The following NOP56 variants were observed in gnomAD, a reference collection of about 807,000 sequenced individuals.
NOP56 encodes the protein NOP56 ribonucleoprotein.
Under a neutral mutation model 58.3 loss-of-function variants are expected in NOP56, and 31 were observed. The observed-to-expected ratio is 0.53, with a 90% CI of 0.40 to 0.72. NOP56 has a LOEUF of 0.72. Ranked by LOEUF, NOP56 falls within the 30% of genes least tolerant of loss-of-function variation. The pLI, the probability that NOP56 is intolerant of heterozygous loss-of-function variation, is 0.00. For synonymous variants in NOP56, 313 were observed against 282.8 expected, an observed-to-expected ratio of 1.11 and a Z score of -1.07; for missense variants, 669 against 739.9, an observed-to-expected ratio of 0.90 and a Z score of 1.11.
chr20:2,656,972 A>G, intron 10 of NOP56, 77 bp downstream of exon 10: 1 of 1,613,752 alleles, frequency 6.2e-7, no homozygotes, highest in African/African-American at 1.3e-5. Flanking sequence ...CTGACCTTGT[A>G]GAATGGAGGC....
chr20:2,654,988 C>A (rs764496182), intron 5 of NOP56, 41 bp downstream of exon 5: 1 of 1,607,908 alleles, frequency 6.2e-7, no homozygotes, highest in South Asian at 1.1e-5. Context: ...AGCCTTTGGT[C>A]TGTAGTTCAG....
Position 2,657,964 on chromosome 20 carries a change from A to G in NOP56, c.1455A>G (p.Gln485=). ...AAAAACCCAAAAAGAAGAAAAAGCA[A>G]AAGCCCCAGGAGGTTCCTCAGGAGA... ...MSEKPKKKKK[Q]KPQEVPQENG... The change falls in exon 12 of 12, where the codon CAA becomes CAG. Residue 485 remains glutamine (Q), a synonymous_variant. Transcript: ENST00000329276. The G allele has an allele frequency of 6.3e-7, 1 of 1,588,774 alleles. No homozygotes were observed. The highest frequency in any genetic ancestry group is 1.1e-5 in the South Asian group (1 of 88,036).
intron 11 of NOP56, chr20:2,657,620 C>T: frequency 3.9e-6 from 2 of 508,792 alleles, no homozygotes; most frequent in Admixed American, 3.6e-5. Context: ...TTTCATTTAG[C>T]ACCCAGTTTC....
chr20:2,652,738 T>TGGGCCG, intron 1 of NOP56, 75 bp downstream of exon 1: 1 of 1,496,364 alleles, frequency 6.7e-7, no homozygotes, highest in Non-Finnish European at 9.0e-7. Context: ...AGACAGGGCC[T>TGGGCCG]GGGCCTGGGC....
At chr20:2,657,295 C>T in intron 11 of NOP56, 77 bp downstream of exon 11, 1 of 1,595,608 alleles carries the variant, frequency 6.3e-7, no homozygotes, top group Admixed American at 1.7e-5. Context: ...TATGCTGCAT[C>T]AAGCTGTGGT....
At position 2,657,159 on chromosome 20, in the gene NOP56, C is replaced by G; in HGVS notation, c.1360C>G (p.Leu454Val). Reference protein sequence around the residue: ...KKRLKKEKKRLAALALASSEN... With the variant: ...KKRLKKEKKRVAALALASSEN... Reference sequence around the variant, plus strand: ...ACGCTTAAAGAAGGAAAAGAAACGGCTGGCTGCACTTGCCCTCGCGTCTTC... The same window carrying G: ...ACGCTTAAAGAAGGAAAAGAAACGGGTGGCTGCACTTGCCCTCGCGTCTTC... The change falls in exon 11 of 12, where the codon CTG becomes GTG. Residue 454 changes from leucine (L) to valine (V), a missense_variant. Around this residue, in one of 3 missense-constraint regions of NOP56, gnomAD observed 209 missense variants for 196.2 expected, o/e 1.07. Transcript: ENST00000329276. The G allele has an allele frequency of 6.2e-7, 1 of 1,614,158 alleles. No individual in the cohort carries two copies. Among genetic ancestry groups the G allele is most frequent in the South Asian group, 1.1e-5 (1 of 91,084 alleles).
chr20:2,653,993 A>G (rs1054723254), intron 3 of NOP56, among the ~76,000 whole-genome samples: 10 of 151,902 alleles, frequency 6.6e-5, no homozygotes, highest in Non-Finnish European at 1.3e-4. Context: ...CTTAACACCT[A>G]CTTGTGCCTG....
At position 2,657,099 on chromosome 20, in the gene NOP56, G is replaced by A. The variant is rs758140839; in HGVS notation, c.1300G>A (p.Glu434Lys). The change falls in exon 11 of 12, where the codon GAG becomes AAG. Residue 434 changes from glutamate to lysine, a missense_variant. This residue lies in a region of NOP56 where 209 missense variants were observed against 196.2 expected (regional missense o/e 1.07). Coordinates refer to ENST00000329276, the MANE Select transcript of NOP56 (RefSeq NM_006392.4). ...TGACCAGGCAGAGGAAGCGGCTGCT[G>A]AGATTACTAGGAAGCTGGAGAAACA... ...AMVQAEEAAA[E>K]ITRKLEKQEK... The A allele has an allele frequency of 1.2e-6, 2 of 1,614,120 alleles. No individual in the cohort carries two copies. The highest frequency in any genetic ancestry group is 1.7e-6 in the Non-Finnish European group (2 of 1,180,012).
intron 6 of NOP56, 27 bp from the exon 7 acceptor site, chr20:2,655,568 C>G: frequency 6.2e-7 from 1 of 1,614,172 alleles, no homozygotes; most frequent in Non-Finnish European, 8.5e-7. Context: ...TAGCTGGCCT[C>G]TTGCATTCAC....
chr20:2,657,399 A>G (rs2086839829), intron 11 of NOP56, 181 bp downstream of exon 11: 7 of 918,680 alleles, frequency 7.6e-6, no homozygotes, highest in Non-Finnish European at 1.1e-5. Flanking sequence ...GAACTTGCTC[A>G]AGAGCCCAGA....
intron 9 of NOP56, 104 bp from the exon 10 acceptor site, chr20:2,656,670 G>C: frequency 6.2e-7 from 1 of 1,607,764 alleles, no homozygotes; most frequent in South Asian, 1.1e-5. Flanking sequence ...CACCTAGTGA[G>C]TGTTGAGACT....
At chr20:2,656,171 GTC>G (rs899109663) in intron 8 of NOP56, 137 bp downstream of exon 8, 3 of 1,607,994 alleles carry the variant, frequency 1.9e-6, no homozygotes, top group Non-Finnish European at 2.5e-6. Flanking sequence ...CAGTCCTGGT[GTC>G]TGAGTGATTC....
In NOP56 at chr20:2,656,459, A is replaced by C; in HGVS notation, c.1069A>C (p.Ile357Leu). 2 of 1,614,136 alleles carry C rather than the reference A, an allele frequency of 1.2e-6. No homozygotes were observed. The highest frequency in any genetic ancestry group is 1.7e-6 in the Non-Finnish European group (2 of 1,180,018). ...TGGACTCATTTTCCACTCCACCTTCATTGGCCGAGCAGCTGCCAAGAACAA... is the reference window on the plus strand; with the variant it reads ...TGGACTCATTTTCCACTCCACCTTCCTTGGCCGAGCAGCTGCCAAGAACAA... Reference protein sequence around the residue: ...KYGLIFHSTFIGRAAAKNKGR... With the variant: ...KYGLIFHSTFLGRAAAKNKGR... The change falls in exon 9 of 12, where the codon ATT becomes CTT. Residue 357 changes from isoleucine (I) to leucine (L), a missense_variant. Ile to Leu is a conservative substitution (Grantham distance 5). This residue lies in a region of NOP56 where 339 missense variants were observed against 430.5 expected (regional missense o/e 0.79). Transcript: ENST00000329276.
rs1321380199 is a variant in NOP56 at position 2,652,916 on chromosome 20, T to C, written c.78T>C (p.Ser26=). Residue 26 remains serine (S), a synonymous_variant, in exon 2 of 12, where the codon AGT becomes AGC. Transcript: ENST00000329276. ...LLALKEVEEI[S]LLQPQVEESV... is the part of the protein sequence containing the mutation. ...CGCTGAAGGAAGTGGAGGAGATCAG[T>C]CTGCTGCAGCCGCAGGTGGGTGAGA... is the stretch of plus-strand genomic sequence containing the variant. 2.5e-6 allele frequency: 4 copies of C among 1,605,512 alleles called. No individual in the cohort carries two copies. The highest frequency in any genetic ancestry group is 2.3e-5 in the East Asian group (1 of 44,336).
chr20:2,657,317 G>T, intron 11 of NOP56, 99 bp downstream of exon 11: 1 of 1,532,218 alleles, frequency 6.5e-7, no homozygotes, highest in Non-Finnish European at 9.0e-7. Flanking sequence ...TTGAGTCCAG[G>T]CTTTTGGACT....
In NOP56 at chr20:2,655,356, G is replaced by A. The variant is rs571542247; in HGVS notation, c.601G>A (p.Val201Met). The A allele has an allele frequency of 1.2e-6, 2 of 1,614,160 alleles. No homozygotes were observed. The highest frequency in any genetic ancestry group is 2.2e-5 in the South Asian group (2 of 91,078). Residue 201 changes from valine to methionine, a missense_variant, in exon 6 of 12, where the codon GTG (valine) becomes ATG (methionine). This residue lies in a region of NOP56 where 339 missense variants were observed against 430.5 expected (regional missense o/e 0.79). Transcript: ENST00000329276. Reference protein sequence around the residue: ...EWYGYHFPELVKIINDNATYC... With the variant: ...EWYGYHFPELMKIINDNATYC... ...GTACGGGTATCACTTTCCGGAGCTG[G>A]TGAAGATCATCAACGACAATGCCAC...
chr20:2,655,396 C>T lies in NOP56; in HGVS notation c.641C>T (p.Ala214Val). Residue 214 changes from alanine (A) to valine (V), a missense_variant, in exon 6 of 12, where the codon GCC becomes GTC. Around this residue, in one of 3 missense-constraint regions of NOP56, gnomAD observed 339 missense variants for 430.5 expected, o/e 0.79. Transcript: ENST00000329276. ...INDNATYCRL[A>V]QFIGNRRELN... ...GACAATGCCACATACTGCCGTCTTGCCCAGTTTATTGGAAACCGAAGGGAA... is the reference window on the plus strand; with the variant it reads ...GACAATGCCACATACTGCCGTCTTGTCCAGTTTATTGGAAACCGAAGGGAA... The T allele has an allele frequency of 6.2e-7, 1 of 1,614,076 alleles. No homozygotes were observed. The highest frequency in any genetic ancestry group is 1.1e-5 in the South Asian group (1 of 91,078).
In NOP56 at chr20:2,655,493, T is replaced by C. The variant is rs372748070; in HGVS notation, c.738T>C (p.Asp246=). 1 of 1,614,084 alleles carries C rather than the reference T, an allele frequency of 6.2e-7. No homozygotes were observed. Among genetic ancestry groups the C allele is most frequent in the Non-Finnish European group, 8.5e-7 (1 of 1,180,028 alleles). Residue 246 remains aspartate, a synonymous_variant, in exon 6 of 12, where the codon GAT becomes GAC. Coordinates refer to ENST00000329276, the MANE Select transcript of NOP56 (RefSeq NM_006392.4). ...GGGCCAAGGCTAAGGCTATTCTGGA[T>C]GCCTCACGGTCCTCCATGGGTCAGT... is the stretch of plus-strand genomic sequence containing the variant. ...MDGAKAKAIL[D]ASRSSMGMDI...
intron 11 of NOP56, chr20:2,657,724 G>T: frequency 1.6e-6 from 1 of 608,870 alleles, no homozygotes. Flanking sequence ...TTTTTTAATG[G>T]GCTGAGGTAA....
Sources: allele counts gnomAD v4.1 joint callset (sites outside exome capture counted in the v4.1 genomes callset), GRCh38; gene constraint gnomAD v4.1.1; regional missense constraint gnomAD v4.1.1; transcripts MANE v1.5; gene names NCBI Gene and HGNC (gene_info 2026-07-23, HGNC 2026-07-21).